Variants in SLC24A2 observed in about 807,000 individuals in gnomAD.
SLC24A2 encodes the protein solute carrier family 24 member 2, also known as sodium/potassium/calcium exchanger 2.
Under a neutral mutation model 62.0 loss-of-function variants are expected in SLC24A2, and 36 were observed. That is an observed-to-expected ratio of 0.58 (90% CI 0.44 to 0.77). SLC24A2 has a LOEUF of 0.77. Ranked by LOEUF, SLC24A2 falls within the 30% of genes least tolerant of loss-of-function variation. The pLI, the probability that SLC24A2 is intolerant of heterozygous loss-of-function variation, is 0.00. For missense variants in SLC24A2, 846 were observed against 817.9 expected, an observed-to-expected ratio of 1.03 and a Z score of -0.42; for synonymous variants, 358 against 294.0, an observed-to-expected ratio of 1.22 and a Z score of -2.23.
At chr9:20,231,791 G>A in the SLC24A2 span, among the ~76,000 whole-genome samples, 1 of 148,708 alleles carries the variant, frequency 6.7e-6, no homozygotes, top group African/African-American at 2.6e-5. Flanking sequence ...AGTGGTGAGA[G>A]AGGGCATCCC....
At chr9:19,875,310 A>T in the SLC24A2 span, among the ~76,000 whole-genome samples, 1 of 152,192 alleles carries the variant, frequency 6.6e-6, no homozygotes, top group South Asian at 2.1e-4. Context: ...TCATTTCTTC[A>T]TAAAGTCATT....
At chr9:19,974,838 G>A in the SLC24A2 span, among the ~76,000 whole-genome samples, 1 of 152,192 alleles carries the variant, frequency 6.6e-6, no homozygotes, top group Non-Finnish European at 1.5e-5. Flanking sequence ...TGCAAAGGCT[G>A]CAAAATGGTC....
At chr9:19,966,052 T>C in the SLC24A2 span, among the ~76,000 whole-genome samples, 6 of 152,354 alleles carry the variant, frequency 3.9e-5, no homozygotes, top group African/African-American at 1.4e-4. Flanking sequence ...TTTGATTGGC[T>C]TGATCTCTCA....
At chr9:20,015,426 A>G in the SLC24A2 span, among the ~76,000 whole-genome samples, 1 of 152,166 alleles carries the variant, frequency 6.6e-6, no homozygotes, top group Non-Finnish European at 1.5e-5. Flanking sequence ...AAGAGCTGTG[A>G]GCTGGATTGT....
chr9:20,048,223 G>C, the SLC24A2 span, among the ~76,000 whole-genome samples: 25 of 152,182 alleles, frequency 1.6e-4, no homozygotes, highest in African/African-American at 5.5e-4. Context: ...TTAGCACACT[G>C]CCTAGCACAT....
chr9:19,950,674 A>T, the SLC24A2 span, among the ~76,000 whole-genome samples: 1 of 152,192 alleles, frequency 6.6e-6, no homozygotes, highest in Non-Finnish European at 1.5e-5. Flanking sequence ...AAGAAAACTG[A>T]CAAAAATCAC....
At chr9:19,567,214 C>A (rs943897325) in intron 7 of SLC24A2, among the ~76,000 whole-genome samples, 1 of 148,482 alleles carries the variant, frequency 6.7e-6, no homozygotes, top group African/African-American at 2.5e-5. Flanking sequence ...AAACAAAAAC[C>A]AAACACTTTG....
the SLC24A2 span, chr9:19,929,704 C>T: frequency 8.5e-5 from 13 of 152,472 alleles, no homozygotes; most frequent in Admixed American, 3.3e-4. Flanking sequence ...TATAAAAAGC[C>T]TCAGGCAGGT....
At chr9:20,008,431 G>C in the SLC24A2 span, among the ~76,000 whole-genome samples, 3 of 152,112 alleles carry the variant, frequency 2.0e-5, no homozygotes, top group Admixed American at 6.5e-5. Flanking sequence ...GGATGGTGGT[G>C]AACTTCACTC....
At chr9:20,114,679 T>C in the SLC24A2 span, among the ~76,000 whole-genome samples, 5 of 152,306 alleles carry the variant, frequency 3.3e-5, no homozygotes, top group East Asian at 9.6e-4. Context: ...TACCATGTGC[T>C]ATGAATCTCC....
At chr9:19,571,914 A>G (rs1835847730) in intron 7 of SLC24A2, among the ~76,000 whole-genome samples, 1 of 152,152 alleles carries the variant, frequency 6.6e-6, no homozygotes, top group Non-Finnish European at 1.5e-5. Context: ...TCTACCATCT[A>G]CAAACTAGGT....
At chr9:20,147,324 T>C in the SLC24A2 span, among the ~76,000 whole-genome samples, 2 of 152,134 alleles carry the variant, frequency 1.3e-5, no homozygotes, top group African/African-American at 4.8e-5. Flanking sequence ...CTGCTAAACA[T>C]GTAAAAAAGG....
At chr9:19,678,955 T>A (rs1426255096) in intron 2 of SLC24A2, among the ~76,000 whole-genome samples, 1 of 152,160 alleles carries the variant, frequency 6.6e-6, no homozygotes, top group African/African-American at 2.4e-5. Flanking sequence ...GACACGCAAG[T>A]GAAGAAAGTA....
chr9:20,280,862 C>G, the SLC24A2 span, among the ~76,000 whole-genome samples: 6 of 152,108 alleles, frequency 3.9e-5, no homozygotes, highest in Admixed American at 3.9e-4. Context: ...AGGTGCAGAC[C>G]ATGCAGCCAG....
the SLC24A2 span, among the ~76,000 whole-genome samples, chr9:19,992,651 A>G: frequency 9.2e-5 from 14 of 152,328 alleles, no homozygotes; most frequent in East Asian, 2.7e-3. Context: ...TTCAGATTAA[A>G]TTCATCTCAG....
chr9:20,177,289 T>A, the SLC24A2 span, among the ~76,000 whole-genome samples: 1 of 152,144 alleles, frequency 6.6e-6, no homozygotes, highest in African/African-American at 2.4e-5. Flanking sequence ...TTTCTGATTT[T>A]AAAAATGTTA....
chr9:20,297,538 T>C, the SLC24A2 span, among the ~76,000 whole-genome samples: 1 of 152,182 alleles, frequency 6.6e-6, no homozygotes, highest in East Asian at 1.9e-4. Flanking sequence ...GATTAGTCAC[T>C]GGCCAGATGG....
chr9:19,853,260 C>A, the SLC24A2 span, among the ~76,000 whole-genome samples: 2 of 152,140 alleles, frequency 1.3e-5, no homozygotes, highest in African/African-American at 4.8e-5. Context: ...TAAACAGAGA[C>A]TATTTGACTT....
the SLC24A2 span, among the ~76,000 whole-genome samples, chr9:20,181,049 T>C: frequency 6.6e-6 from 1 of 152,036 alleles, no homozygotes; most frequent in Non-Finnish European, 1.5e-5. Context: ...AGAAATTGTC[T>C]TCAGAGACAG....
Sources: gnomAD v4.1 joint callset for allele counts (sites outside exome capture counted in the v4.1 genomes callset) on GRCh38, gnomAD v4.1.1 for gene constraint, MANE v1.5 for transcripts, NCBI Gene and HGNC (gene_info 2026-07-23, HGNC 2026-07-21) for gene names.